Variants in TAFA2 observed in about 807,000 individuals in gnomAD.
TAFA2 encodes chemokine-like protein TAFA-2.
TAFA2 carries 7 observed loss-of-function variants against 18.8 expected under a neutral mutation model. That is an observed-to-expected ratio of 0.37 (90% CI 0.21 to 0.70). TAFA2 has a LOEUF of 0.70. TAFA2 is among the 30% of genes least tolerant of loss of function. The pLI, the probability that TAFA2 is intolerant of heterozygous loss-of-function variation, is 0.53. For synonymous variants in TAFA2, 60 were observed against 54.2 expected, an observed-to-expected ratio of 1.11 and a Z score of -0.47; for missense variants, 122 against 158.1, an observed-to-expected ratio of 0.77 and a Z score of 1.23.
intron 2 of TAFA2, among the ~76,000 whole-genome samples, chr12:61,792,152 C>T (rs1394977276): frequency 1.3e-5 from 2 of 151,172 alleles, no homozygotes; most frequent in Non-Finnish European, 3.0e-5. Flanking sequence ...ATATATGGAA[C>T]CTTAAGAAGT....
intron 1 of TAFA2, among the ~76,000 whole-genome samples, chr12:61,977,094 A>T (rs1242516767): frequency 6.6e-6 from 1 of 151,868 alleles, no homozygotes; most frequent in Non-Finnish European, 1.5e-5. Context: ...TTGAGGAGAA[A>T]ATGGGGTCAT....
chr12:62,084,507 G>A lies in TAFA2; in HGVS notation c.-2+106752C>T, dbSNP rs540423217. 2.0e-5 allele frequency among the ~76,000 whole-genome samples: 3 copies of A among 152,254 alleles called. No homozygotes were observed. In the South Asian group the frequency reaches 6.2e-4, roughly 32 times the overall value. ...GTTTGCCAAAGCAGTGTTTGGAGGT[G>A]AGTCTGCAATCATTTTTAAGAGAAA... On this transcript the variant is annotated intron_variant, in intron 1 of 4. Coordinates refer to ENST00000416284, the MANE Select transcript of TAFA2 (RefSeq NM_178539.5).
intron 2 of TAFA2, among the ~76,000 whole-genome samples, chr12:61,856,423 T>TA (rs796714210): frequency 8.9e-4 from 136 of 152,056 alleles, no homozygotes; most frequent in African/African-American, 3.0e-3. Context: ...TCTTTAGTAA[T>TA]AAAAAATCAC....
At chr12:62,066,711 A>G (rs1882498094) in intron 1 of TAFA2, among the ~76,000 whole-genome samples, 1 of 151,936 alleles carries the variant, frequency 6.6e-6, no homozygotes, top group South Asian at 2.1e-4. Flanking sequence ...TTATCCATTC[A>G]TCTATTGATG....
At position 62,170,615 on chromosome 12, in the gene TAFA2, T is replaced by C. The variant is rs548299240; in HGVS notation, c.-2+20644A>G. Reference sequence around the variant, plus strand: ...AGATCTATTCACCTCAAATACTATATGGGGTTTTTCTATTTGTATCAATTT... The same window carrying C: ...AGATCTATTCACCTCAAATACTATACGGGGTTTTTCTATTTGTATCAATTT... On this transcript the variant is annotated intron_variant, in intron 1 of 4. Coordinates refer to ENST00000416284, the MANE Select transcript of TAFA2 (RefSeq NM_178539.5). Among the ~76,000 whole-genome samples, 331 of 152,332 alleles carry C rather than the reference T, an allele frequency of 2.2e-3. 1 individual carries two copies. Among genetic ancestry groups the C allele is most frequent in the Non-Finnish European group, 4.1e-3 (278 of 68,024 alleles).
chr12:61,910,082 TTGTGTGTGTGTGTGTGTTTGTGTGTG>T (rs1369793873), intron 1 of TAFA2, among the ~76,000 whole-genome samples: 2 of 130,482 alleles, frequency 1.5e-5, no homozygotes, highest in Admixed American at 1.6e-4. Context: ...GTGTGCGTGC[TTGTGTGTGTGTGTGTGTTTGTGTGTG>T]TGTGTGTGTG....
chr12:62,141,993 G>A (rs1488080675), intron 1 of TAFA2, among the ~76,000 whole-genome samples: 1 of 152,162 alleles, frequency 6.6e-6, no homozygotes, highest in Non-Finnish European at 1.5e-5. Flanking sequence ...CACGTATTGA[G>A]TGCCCACTAA....
chr12:61,890,615 C>A (rs1403700132), intron 1 of TAFA2, among the ~76,000 whole-genome samples: 1 of 152,200 alleles, frequency 6.6e-6, no homozygotes, highest in East Asian at 1.9e-4. Flanking sequence ...AAATAAGTAG[C>A]TACAGGGGGT....
intron 1 of TAFA2, among the ~76,000 whole-genome samples, chr12:62,147,332 A>ATATATATATGTG (rs2062291579): frequency 1.9e-5 from 1 of 53,318 alleles, no homozygotes; most frequent in Non-Finnish European, 3.5e-5. Context: ...GTATGTATAT[A>ATATATATATGTG]TATATATATA....
At chr12:61,734,306 T>C (rs1281148763) in intron 4 of TAFA2, among the ~76,000 whole-genome samples, 4 of 143,012 alleles carry the variant, frequency 2.8e-5, no homozygotes, top group Admixed American at 7.3e-5. Context: ...TAGGTGGGAA[T>C]TGAACATTGA....
rs151233814 is a variant in TAFA2 at position 61,741,950 on chromosome 12, G to A, written c.384+11672C>T. Among the ~76,000 whole-genome samples the A allele has an allele frequency of 2.7e-3, 410 of 152,228 alleles. 21 individuals carry two copies. In the East Asian group the frequency reaches 0.063, roughly 23 times the overall value. ...CTCACTCTGTCACCCAGGTTGGAGT[G>A]CGATGGTGAAATCTCAGCTCACTGT... On this transcript the variant is annotated intron_variant, in intron 4 of 4. Transcript: ENST00000416284.
chr12:62,240,453 C>G (rs2062857711), intron 1 of TAFA2, among the ~76,000 whole-genome samples: 1 of 151,644 alleles, frequency 6.6e-6, no homozygotes, highest in African/African-American at 2.4e-5. Flanking sequence ...AATTAATTTA[C>G]TGTATAGTAA....
At chr12:61,993,654 T>A (rs376998828) in intron 1 of TAFA2, among the ~76,000 whole-genome samples, 1 of 152,150 alleles carries the variant, frequency 6.6e-6, no homozygotes, top group Non-Finnish European at 1.5e-5. Context: ...CAGACTAAAG[T>A]CTCATAGATC....
intron 1 of TAFA2, among the ~76,000 whole-genome samples, chr12:62,145,873 T>C (rs1261892195): frequency 6.6e-6 from 1 of 152,218 alleles, no homozygotes; most frequent in Non-Finnish European, 1.5e-5. Flanking sequence ...CCAAGTGTTA[T>C]ACCCCACAGC....
chr12:62,096,760 C>T (rs1868969284), intron 1 of TAFA2, among the ~76,000 whole-genome samples: 1 of 152,140 alleles, frequency 6.6e-6, no homozygotes, highest in Non-Finnish European at 1.5e-5. Flanking sequence ...AATGGCTTAG[C>T]TTGTCACTCT....
At chr12:62,153,921 A>ATTATGCTATGTTATGTTATGTTATG (rs2062348360) in intron 1 of TAFA2, among the ~76,000 whole-genome samples, 1 of 124,024 alleles carries the variant, frequency 8.1e-6, no homozygotes, top group South Asian at 2.9e-4. Flanking sequence ...ACATAACAAA[A>ATTATGCTATGTTATGTTATGTTATG]TTATGTTATG....
intron 1 of TAFA2, among the ~76,000 whole-genome samples, chr12:62,046,275 T>G (rs1335953350): frequency 1.3e-5 from 2 of 152,116 alleles, no homozygotes; most frequent in Non-Finnish European, 2.9e-5. Flanking sequence ...CTTGCACTGA[T>G]TTATTGCCAT....
intron 2 of TAFA2, among the ~76,000 whole-genome samples, chr12:61,807,220 G>A (rs1398716121): frequency 6.6e-6 from 1 of 151,374 alleles, no homozygotes; most frequent in Admixed American, 6.6e-5. Context: ...TTGGTGTACT[G>A]TGTCCCAGCT....
chr12:62,146,953 T>C (rs1466191984), intron 1 of TAFA2, among the ~76,000 whole-genome samples: 1 of 151,974 alleles, frequency 6.6e-6, no homozygotes, highest in Non-Finnish European at 1.5e-5. Flanking sequence ...CCACTAATAC[T>C]GGTATAAAAA....
Sources: allele counts gnomAD v4.1 joint callset (sites outside exome capture counted in the v4.1 genomes callset), GRCh38; gene constraint gnomAD v4.1.1; transcripts MANE v1.5; gene names NCBI Gene and HGNC (gene_info 2026-07-23, HGNC 2026-07-21).